The following XXYLT1 variants were observed in gnomAD, a reference collection of about 807,000 sequenced individuals.
XXYLT1 encodes the protein xyloside xylosyltransferase 1.
XXYLT1 carries 20 observed loss-of-function variants against 28.9 expected under a neutral mutation model. That is an observed-to-expected ratio of 0.69 (90% CI 0.49 to 1.00). XXYLT1 has a LOEUF of 1.00. Ranked by LOEUF, XXYLT1 falls within the 50% of genes least tolerant of loss-of-function variation. XXYLT1 has a pLI of 0.00. For synonymous variants in XXYLT1, 257 were observed against 253.8 expected (o/e 1.01, Z -0.12); for missense variants, 542 against 560.1 (o/e 0.97, Z 0.33).
intron 2 of XXYLT1, among the ~76,000 whole-genome samples, chr3:195,177,585 C>T (rs542139190): frequency 1.3e-5 from 2 of 152,158 alleles, no homozygotes; most frequent in South Asian, 4.2e-4. Context: ...TGCCAACCAA[C>T]CACACAAGTT....
At chr3:195,269,828 G>GACAAGGAGAGCCAGGCAGTGAAGAC (rs1305449565) in intron 1 of XXYLT1, among the ~76,000 whole-genome samples, 22 of 152,314 alleles carry the variant, frequency 1.4e-4, no homozygotes, top group African/African-American at 4.6e-4. Flanking sequence ...ACACATCTCA[G>GACAAGGAGAGCCAGGCAGTGAAGAC]ACAAGGAGAG....
intron 3 of XXYLT1, among the ~76,000 whole-genome samples, chr3:195,120,307 G>A (rs1718292791): frequency 1.5e-5 from 1 of 65,870 alleles, no homozygotes; most frequent in African/African-American, 6.1e-5. Context: ...CAGCCCCCAT[G>A]GCCACAGAGA....
At position 195,265,955 on chromosome 3, in the gene XXYLT1, T is replaced by C. The variant is rs768934067; in HGVS notation, c.504+4600A>G. Among the ~76,000 whole-genome samples the C allele has an allele frequency of 3.3e-5, 5 of 152,334 alleles. 1 individual carries two copies. The highest frequency in any genetic ancestry group is 6.8e-3 in the Middle Eastern group (2 of 294). On this transcript the variant is annotated intron_variant, in intron 1 of 3. Transcript: ENST00000310380. ...AAGCCACCATTATTTGGGGGTTTCA[T>C]GGTATATTCTGTCAAACCTGATCTG...
intron 3 of XXYLT1, among the ~76,000 whole-genome samples, chr3:195,110,338 TGTGTGTG>T (rs1560100867): frequency 1.7e-4 from 6 of 34,664 alleles, no homozygotes; most frequent in African/African-American, 5.9e-4. Flanking sequence ...GGTGTGTGTA[TGTGTGTG>T]GTGTGTGGTG....
rs192931639 is a variant in XXYLT1 at position 195,242,145 on chromosome 3, T to A, written c.505-15289A>T. Among the ~76,000 whole-genome samples, 5 of 152,292 alleles carry A rather than the reference T, an allele frequency of 3.3e-5. No homozygotes were observed. In the East Asian group the frequency reaches 9.7e-4, roughly 29 times the overall value. On this transcript the variant is annotated intron_variant, in intron 1 of 3. Coordinates refer to ENST00000310380, the MANE Select transcript of XXYLT1 (RefSeq NM_152531.5). ...CAGAGAGGAGGGGCGATGGGACAACTGTTTCAGACACAGAATGTTGCCCCG... is the reference window on the plus strand; with the variant it reads ...CAGAGAGGAGGGGCGATGGGACAACAGTTTCAGACACAGAATGTTGCCCCG...
At chr3:195,202,069 C>G (rs1332017037) in intron 2 of XXYLT1, among the ~76,000 whole-genome samples, 1 of 146,582 alleles carries the variant, frequency 6.8e-6, no homozygotes, top group East Asian at 1.9e-4. Context: ...CCCAGCCACT[C>G]AGGAGGCTGA....
chr3:195,151,580 TAAAC>T (rs976436448), intron 3 of XXYLT1, among the ~76,000 whole-genome samples: 15 of 151,852 alleles, frequency 9.9e-5, no homozygotes, highest in African/African-American at 3.6e-4. Flanking sequence ...CAATAAACAA[TAAAC>T]AATTATTTAG....
chr3:195,090,040 AC>A (rs1227136924), intron 3 of XXYLT1, among the ~76,000 whole-genome samples: 3 of 149,044 alleles, frequency 2.0e-5, no homozygotes, highest in African/African-American at 7.4e-5. Flanking sequence ...GTCCTGAGTG[AC>A]CTACAAAGAG....
chr3:195,082,254 T>C (rs1025517972), intron 3 of XXYLT1, among the ~76,000 whole-genome samples: 1 of 152,184 alleles, frequency 6.6e-6, no homozygotes, highest in Non-Finnish European at 1.5e-5. Flanking sequence ...GCAGAGTCCT[T>C]AGGTTTGTCC....
intron 3 of XXYLT1, among the ~76,000 whole-genome samples, chr3:195,100,882 C>T (rs1716738990): frequency 1.3e-5 from 2 of 152,260 alleles, no homozygotes; most frequent in Non-Finnish European, 2.9e-5. Flanking sequence ...GATATCCCTG[C>T]TGCCTAACCC....
intron 3 of XXYLT1, among the ~76,000 whole-genome samples, chr3:195,154,537 C>T (rs1720455882): frequency 6.6e-6 from 1 of 152,192 alleles, no homozygotes; most frequent in Non-Finnish European, 1.5e-5. Context: ...GAAACTTCCA[C>T]TGTTACTTCA....
At chr3:195,149,391 C>A (rs751090714) in intron 3 of XXYLT1, among the ~76,000 whole-genome samples, 4 of 152,202 alleles carry the variant, frequency 2.6e-5, no homozygotes, top group Non-Finnish European at 5.9e-5. Flanking sequence ...AGATAAACAT[C>A]TCCATGGGCC....
intron 3 of XXYLT1, among the ~76,000 whole-genome samples, chr3:195,110,432 CGTGT>C (rs200648012): frequency 2.3e-5 from 2 of 86,630 alleles, no homozygotes; most frequent in Admixed American, 1.2e-4. Context: ...TGTATGTGTG[CGTGT>C]GTATGTGGTG....
At chr3:195,260,875 C>T (rs1039459957) in intron 1 of XXYLT1, among the ~76,000 whole-genome samples, 1 of 152,216 alleles carries the variant, frequency 6.6e-6, no homozygotes, top group African/African-American at 2.4e-5. Context: ...AGCTGCACTC[C>T]CAGAAAGCGC....
chr3:195,088,503 A>G (rs1715930866), intron 3 of XXYLT1, among the ~76,000 whole-genome samples: 1 of 136,546 alleles, frequency 7.3e-6, no homozygotes, highest in African/African-American at 2.6e-5. Flanking sequence ...CAGAAAGGAC[A>G]TCCACACCAA....
At chr3:195,213,452 T>C (rs988223560) in intron 2 of XXYLT1, among the ~76,000 whole-genome samples, 1 of 152,022 alleles carries the variant, frequency 6.6e-6, no homozygotes, top group Non-Finnish European at 1.5e-5. Context: ...TTAGTAGAGA[T>C]GGGGTTTCTC....
chr3:195,142,896 T>G (rs1307015558), intron 3 of XXYLT1, among the ~76,000 whole-genome samples: 4 of 152,096 alleles, frequency 2.6e-5, no homozygotes, highest in African/African-American at 9.7e-5. Flanking sequence ...CTCCCTCCAT[T>G]CCTCCCTGGC....
intron 3 of XXYLT1, among the ~76,000 whole-genome samples, chr3:195,144,738 C>T (rs373894349): frequency 5.9e-4 from 90 of 152,240 alleles, no homozygotes; most frequent in Admixed American, 4.0e-3. Context: ...GATTCTACTA[C>T]TCCTTTTATG....
intron 3 of XXYLT1, among the ~76,000 whole-genome samples, chr3:195,121,087 C>T (rs1718335555): frequency 6.6e-6 from 1 of 152,230 alleles, no homozygotes; most frequent in Non-Finnish European, 1.5e-5. Context: ...CCCATGCTCC[C>T]AGGGCCCAAA....
Sources: allele counts gnomAD v4.1 joint callset (sites outside exome capture counted in the v4.1 genomes callset), GRCh38; gene constraint gnomAD v4.1.1; transcripts MANE v1.5; gene names NCBI Gene and HGNC (gene_info 2026-07-23, HGNC 2026-07-21).